Variants in EXOC6B observed in about 807,000 individuals in gnomAD.
The protein encoded by EXOC6B is SEC15 homolog B.
A neutral mutation model predicts 113.5 loss-of-function variants in EXOC6B; 54 were observed. The ratio of observed to expected loss-of-function variants is 0.48; its 90% CI spans 0.38 to 0.60. The LOEUF is 0.60. Ranked by LOEUF, EXOC6B falls within the 20% of genes least tolerant of loss-of-function variation. EXOC6B has a pLI of 0.00. For synonymous variants in EXOC6B, 357 were observed against 339.0 expected (o/e 1.05, Z -0.58); for missense variants, 797 against 977.5 (o/e 0.82, Z 2.46).
chr2:72,179,578 TC>T, intron 21 of EXOC6B, 117 bp from the exon 22 acceptor site: 2 of 1,178,252 alleles, frequency 1.7e-6, no homozygotes, highest in Non-Finnish European at 2.5e-6. Flanking sequence ...AATGAGAGAG[TC>T]CAGAATATCT....
chr2:72,195,096 T>A (rs1679088669), intron 20 of EXOC6B, among the ~76,000 whole-genome samples: 1 of 152,188 alleles, frequency 6.6e-6, no homozygotes, highest in Non-Finnish European at 1.5e-5. Flanking sequence ...GCCGCATAAA[T>A]GTGGATTTAT....
At chr2:72,218,413 C>T (rs951858249) in intron 20 of EXOC6B, among the ~76,000 whole-genome samples, 4 of 152,048 alleles carry the variant, frequency 2.6e-5, no homozygotes, top group African/African-American at 9.7e-5. Flanking sequence ...ATAAGGGTCC[C>T]AGAACATAAT....
chr2:72,738,156 A>G lies in EXOC6B; in HGVS notation c.279+3148T>C, dbSNP rs940538437. The stretch of plus-strand genomic sequence containing the variant: ...TTGGGAAGCATGCCCTAGAGGACTC[A>G]CTCTATGGGTTTCTCTATGAAGTCA... On this transcript the variant is annotated intron_variant, in intron 2 of 21. Transcript: ENST00000272427. Among the ~76,000 whole-genome samples the G allele has an allele frequency of 7.2e-5, 11 of 152,140 alleles. 1 individual carries two copies. The South Asian group carries it at 2.3e-3, about 32-fold the overall frequency.
intron 13 of EXOC6B, among the ~76,000 whole-genome samples, chr2:72,496,985 A>AG (rs1700070909): frequency 6.9e-6 from 1 of 143,962 alleles, no homozygotes; most frequent in Admixed American, 6.9e-5. Context: ...TATTATTATT[A>AG]TTATTAGAGA....
intron 20 of EXOC6B, among the ~76,000 whole-genome samples, chr2:72,300,008 C>T (rs554109926): frequency 4.6e-5 from 7 of 152,272 alleles, no homozygotes; most frequent in African/African-American, 1.7e-4. Flanking sequence ...GTCAGGGACC[C>T]ACTTGATGAG....
At chr2:72,650,618 A>AAAAG (rs1674093428) in intron 6 of EXOC6B, among the ~76,000 whole-genome samples, 2 of 151,810 alleles carry the variant, frequency 1.3e-5, no homozygotes, top group African/African-American at 4.8e-5. Flanking sequence ...AAAAGAAAAA[A>AAAAG]AAAAGAAAAG....
chr2:72,474,487 T>C (rs1477755746), intron 17 of EXOC6B, among the ~76,000 whole-genome samples: 2 of 152,054 alleles, frequency 1.3e-5, no homozygotes, highest in Non-Finnish European at 2.9e-5. Context: ...TTATTTTATA[T>C]AAAGAATTAT....
At chr2:72,185,532 GAGA>G (rs1678365931) in intron 20 of EXOC6B, among the ~76,000 whole-genome samples, 1 of 152,196 alleles carries the variant, frequency 6.6e-6, no homozygotes, top group East Asian at 1.9e-4. Flanking sequence ...TTAGAGATGA[GAGA>G]AGGAGTGGGG....
chr2:72,394,278 T>C (rs1463771213), intron 18 of EXOC6B, among the ~76,000 whole-genome samples: 1 of 152,190 alleles, frequency 6.6e-6, no homozygotes, highest in African/African-American at 2.4e-5. Context: ...ATTTTGTTTT[T>C]TTATTCTAAT....
intron 16 of EXOC6B, among the ~76,000 whole-genome samples, chr2:72,482,167 G>T (rs1486169107): frequency 2.0e-5 from 3 of 152,112 alleles, no homozygotes; most frequent in South Asian, 2.1e-4. Context: ...GTGTACATTA[G>T]ACTAAAATAT....
At chr2:72,566,406 A>G (rs887454229) in intron 7 of EXOC6B, among the ~76,000 whole-genome samples, 4 of 152,066 alleles carry the variant, frequency 2.6e-5, no homozygotes, top group Non-Finnish European at 4.4e-5. Flanking sequence ...TGGATATACC[A>G]CAGTTCATTT....
At chr2:72,263,657 A>G (rs1442742018) in intron 20 of EXOC6B, among the ~76,000 whole-genome samples, 2 of 152,218 alleles carry the variant, frequency 1.3e-5, no homozygotes, top group Non-Finnish European at 2.9e-5. Context: ...ATTCTATAAA[A>G]TGCAATCCAA....
chr2:72,457,110 A>G (rs1697284400), intron 18 of EXOC6B, among the ~76,000 whole-genome samples: 1 of 152,032 alleles, frequency 6.6e-6, no homozygotes, highest in African/African-American at 2.4e-5. Context: ...TGGAAAACAG[A>G]GACAGAGACA....
chr2:72,211,648 G>A (rs1041810393), intron 20 of EXOC6B, among the ~76,000 whole-genome samples: 2 of 152,196 alleles, frequency 1.3e-5, no homozygotes, highest in Non-Finnish European at 2.9e-5. Context: ...GCTAGAAGGT[G>A]ATACGTAGAG....
At chr2:72,231,016 T>C (rs1305431328) in intron 20 of EXOC6B, among the ~76,000 whole-genome samples, 2 of 152,210 alleles carry the variant, frequency 1.3e-5, no homozygotes, top group South Asian at 2.1e-4. Context: ...AATAAAGCAG[T>C]TAACATTGAT....
At chr2:72,743,862 G>A (rs1472827881) in intron 1 of EXOC6B, among the ~76,000 whole-genome samples, 3 of 152,090 alleles carry the variant, frequency 2.0e-5, no homozygotes, top group Non-Finnish European at 2.9e-5. Context: ...CCCCACAGGA[G>A]GTCAGTTCTA....
chr2:72,631,102 T>C (rs1158575884), intron 6 of EXOC6B, among the ~76,000 whole-genome samples: 1 of 151,968 alleles, frequency 6.6e-6, no homozygotes, highest in African/African-American at 2.4e-5. Context: ...TAAATGACAA[T>C]GTGTGAACAG....
At position 72,375,962 on chromosome 2, in the gene EXOC6B, G is replaced by A. The variant is rs562299714; in HGVS notation, c.2122+3767C>T. Reference sequence around the variant, plus strand: ...TACACAACAGCCAACCAAGATGGAAGCAGCACCATCCTTTACAGCCTAGCC... The same window carrying A: ...TACACAACAGCCAACCAAGATGGAAACAGCACCATCCTTTACAGCCTAGCC... On this transcript the variant is annotated intron_variant, in intron 19 of 21. Coordinates refer to ENST00000272427, the MANE Select transcript of EXOC6B (RefSeq NM_015189.3). Among the ~76,000 whole-genome samples, 362 of 152,288 alleles carry A rather than the reference G, an allele frequency of 2.4e-3. 1 individual carries two copies. Among genetic ancestry groups the A allele is most frequent in the African/African-American group, 8.1e-3 (338 of 41,572 alleles).
rs780051717 is a variant in EXOC6B at position 72,498,551 on chromosome 2, C to T, written c.1240G>A (p.Val414Met). ...AGCTGATTTACAGGGAAACCATACA[C>T]CTGAAACAAAATAAGAAAATCACTT... ...LIVLFADTLQ[V>M]YGFPVNQLFD... Residue 414 changes from valine (V) to methionine (M), a missense_variant and splice_region_variant, in exon 13 of 22, where the codon GTG becomes ATG. Val to Met is a conservative substitution (Grantham distance 21). Coordinates refer to ENST00000272427, the MANE Select transcript of EXOC6B (RefSeq NM_015189.3). 1 of 1,597,796 alleles carries T rather than the reference C, an allele frequency of 6.3e-7. No individual in the cohort carries two copies. Among genetic ancestry groups the T allele is most frequent in the Non-Finnish European group, 8.5e-7 (1 of 1,173,906 alleles).
Sources: allele counts gnomAD v4.1 joint callset (sites outside exome capture counted in the v4.1 genomes callset), GRCh38; gene constraint gnomAD v4.1.1; transcripts MANE v1.5; gene names NCBI Gene and HGNC (gene_info 2026-07-23, HGNC 2026-07-21).